ZNF654: variants seen among roughly 807,000 people sequenced by gnomAD.
ZNF654 encodes melanoma-associated antigen.
ZNF654 carries 19 observed loss-of-function variants against 95.3 expected under a neutral mutation model. The ratio of observed to expected loss-of-function variants is 0.20; its 90% CI spans 0.14 to 0.29. The LOEUF is 0.29. Ranked by LOEUF, ZNF654 falls within the 10% of genes least tolerant of loss-of-function variation. ZNF654 has a pLI of 1.00. For synonymous variants in ZNF654, 413 were observed against 457.9 expected, an observed-to-expected ratio of 0.90 and a Z score of 1.25; for missense variants, 1,046 against 1,341.0, an observed-to-expected ratio of 0.78 and a Z score of 3.44.
chr3:88,071,783 G>A (rs546323799), intron 1 of ZNF654, among the ~76,000 whole-genome samples: 11 of 152,046 alleles, frequency 7.2e-5, no homozygotes, highest in Admixed American at 1.3e-4. Context: ...CAGCCTGGGC[G>A]ACAAGAGTGA....
At chr3:88,136,115 A>G (rs954161089) in intron 7 of ZNF654, among the ~76,000 whole-genome samples, 1 of 152,176 alleles carries the variant, frequency 6.6e-6, no homozygotes, top group Non-Finnish European at 1.5e-5. Flanking sequence ...GAGGAAAACT[A>G]TGTTACAGAA....
chr3:88,126,014 T>A (rs1476165645), intron 3 of ZNF654, 120 bp from the exon 4 acceptor site: 1 of 1,115,156 alleles, frequency 9.0e-7, no homozygotes, highest in Non-Finnish European at 1.2e-6. Flanking sequence ...TAGTAACCCT[T>A]TCTCTTTTAT....
chr3:88,135,721 C>T (rs772421423), intron 7 of ZNF654, among the ~76,000 whole-genome samples: 1 of 151,980 alleles, frequency 6.6e-6, no homozygotes, highest in South Asian at 2.1e-4. Flanking sequence ...TTTACTTGGG[C>T]CACTTGCAAG....
rs1245434318 is a variant in ZNF654, at chr3:88,142,292, A to C, written c.*640A>C. The C allele has an allele frequency of 1.1e-4, 6 of 55,792 alleles. No homozygotes were observed. The highest frequency in any genetic ancestry group is 8.7e-4 in the Admixed American group (4 of 4,624). 3.5% of individuals were successfully genotyped at this position (55,792 alleles called of 1,614,324 possible). On this transcript the variant is annotated 3_prime_UTR_variant, in exon 9 of 9. Coordinates refer to ENST00000636215, the MANE Select transcript of ZNF654 (RefSeq NM_001350134.2). Reference sequence around the variant, plus strand: ...ACGCCAGCATTGAAAATTAAAAAACAAAACAAAAAAAACCACAGTGCTTTG... The same window carrying C: ...ACGCCAGCATTGAAAATTAAAAAACCAAACAAAAAAAACCACAGTGCTTTG...
At chr3:88,089,660 G>A (rs1041252364) in intron 2 of ZNF654, among the ~76,000 whole-genome samples, 3 of 151,974 alleles carry the variant, frequency 2.0e-5, no homozygotes, top group African/African-American at 4.8e-5. Flanking sequence ...ATTCTTTCAG[G>A]GCTGTTGACA....
intron 2 of ZNF654, among the ~76,000 whole-genome samples, chr3:88,099,711 CAAG>C (rs1704289657): frequency 6.6e-6 from 1 of 152,146 alleles, no homozygotes; most frequent in South Asian, 2.1e-4. Context: ...CTGACAAAAA[CAAG>C]AAATGGAGAA....
intron 1 of ZNF654, among the ~76,000 whole-genome samples, chr3:88,066,544 A>G (rs1707208291): frequency 6.6e-6 from 1 of 152,176 alleles, no homozygotes; most frequent in Non-Finnish European, 1.5e-5. Context: ...CCTGGCTGAC[A>G]GAGCGAGACT....
Position 88,098,989 on chromosome 3 carries a change from A to G in ZNF654, c.332+12587A>G, listed in dbSNP as rs372545788. Among the ~76,000 whole-genome samples the G allele has an allele frequency of 3.9e-5, 6 of 152,202 alleles. No homozygotes were observed. The East Asian group carries it at 5.8e-4, about 15-fold the overall frequency. Reference sequence around the variant, plus strand: ...AATGTTGGAAGTTCTGGCCGGGGCAATCAGGCGAGAGAAAGAAATAAAGGG... The same window carrying G: ...AATGTTGGAAGTTCTGGCCGGGGCAGTCAGGCGAGAGAAAGAAATAAAGGG... On this transcript the variant is annotated intron_variant, in intron 2 of 8. Transcript: ENST00000636215.
intron 2 of ZNF654, among the ~76,000 whole-genome samples, chr3:88,088,795 T>TGGAG (rs1559701766): frequency 1.5e-4 from 22 of 151,510 alleles, no homozygotes; most frequent in African/African-American, 4.9e-4. Flanking sequence ...GATGGATGGA[T>TGGAG]GGAGTCTGGC....
chr3:88,137,201 A>AT (rs1327010816), intron 7 of ZNF654, among the ~76,000 whole-genome samples: 10 of 150,836 alleles, frequency 6.6e-5, no homozygotes, highest in Admixed American at 4.6e-4. Context: ...TCTCAAAAAA[A>AT]AAAAAAAAAA....
chr3:88,079,620 G>A (rs529022625), intron 1 of ZNF654, among the ~76,000 whole-genome samples: 1 of 152,100 alleles, frequency 6.6e-6, no homozygotes, highest in East Asian at 1.9e-4. Context: ...CTCTGGGAGT[G>A]ATACTGTAAT....
chr3:88,059,396 G>A lies in ZNF654; in HGVS notation c.77G>A (p.Gly26Asp), dbSNP rs1455122274. 3 of 1,534,912 alleles carry A rather than the reference G, an allele frequency of 2.0e-6. No homozygotes were observed. The highest frequency in any genetic ancestry group is 1.4e-5 in the African/African-American group (1 of 72,966). ...ELVAIVESPL[G>D]PVGLRAAGDG... Reference sequence around the variant, plus strand: ...GTGGCCATTGTGGAGTCCCCGCTGGGCCCTGTGGGGCTTAGAGCTGCGGGC... The same window carrying A: ...GTGGCCATTGTGGAGTCCCCGCTGGACCCTGTGGGGCTTAGAGCTGCGGGC... The change falls in exon 1 of 9, where the codon GGC (glycine) becomes GAC (aspartate). Residue 26 changes from glycine to aspartate, a missense_variant. By Grantham distance (94) the Gly-to-Asp change is moderately conservative. This residue lies in a region of ZNF654 where 89 missense variants were observed against 77.9 expected (regional missense o/e 1.14). Transcript: ENST00000636215.
At chr3:88,065,417 A>C (rs1411663099) in intron 1 of ZNF654, among the ~76,000 whole-genome samples, 1 of 152,202 alleles carries the variant, frequency 6.6e-6, no homozygotes, top group Non-Finnish European at 1.5e-5. Flanking sequence ...GAGTTAGTAC[A>C]TATAATGTAA....
At chr3:88,125,016 C>A (rs573813145) in intron 3 of ZNF654, among the ~76,000 whole-genome samples, 85 of 152,146 alleles carry the variant, frequency 5.6e-4, no homozygotes, top group African/African-American at 1.9e-3. Flanking sequence ...GAGATTGAGA[C>A]TATCCTGGCT....
chr3:88,143,392 T>A lies in ZNF654; in HGVS notation c.*1740T>A, dbSNP rs1178692678. 6.6e-6 allele frequency: 1 copy of A among 152,266 alleles called. No homozygotes were observed. Among genetic ancestry groups the A allele is most frequent in the African/African-American group, 2.4e-5 (1 of 41,428 alleles). 9.4% of individuals were successfully genotyped at this position (152,266 alleles called of 1,614,324 possible). On this transcript the variant is annotated 3_prime_UTR_variant, in exon 9 of 9. Coordinates refer to ENST00000636215, the MANE Select transcript of ZNF654 (RefSeq NM_001350134.2). ...AACACAGCTCATAATTAAAATCTTT[T>A]CTTTAAGGTCAGCTAAAAAAAATGT...
At position 88,099,294 on chromosome 3, in the gene ZNF654, AAGG is replaced by A. The variant is rs201166454; in HGVS notation, c.332+12895_332+12897del. Among the ~76,000 whole-genome samples the A allele has an allele frequency of 7.8e-3, 1,186 of 152,336 alleles. 21 individuals are homozygous for A. The highest frequency in any genetic ancestry group is 0.027 in the African/African-American group (1,130 of 41,566). ...TACAAGGGATGTGAAGGACCTCTTC[AAGG>A]AGAACTGCAAATCACTGCTCAACAA... is the stretch of plus-strand genomic sequence containing the variant. On this transcript the variant is annotated intron_variant, in intron 2 of 8. Transcript: ENST00000636215.
intron 1 of ZNF654, among the ~76,000 whole-genome samples, chr3:88,080,908 T>C (rs776929776): frequency 3.9e-5 from 6 of 152,222 alleles, no homozygotes; most frequent in Non-Finnish European, 5.9e-5. Context: ...ATTGGTACAA[T>C]AGTCACAAAA....
intron 2 of ZNF654, among the ~76,000 whole-genome samples, chr3:88,103,521 A>G (rs1292946071): frequency 1.3e-5 from 2 of 152,198 alleles, no homozygotes; most frequent in African/African-American, 2.4e-5. Flanking sequence ...CTAGAATTTC[A>G]GAAGAAGATA....
chr3:88,108,756 T>G (rs997530877), intron 2 of ZNF654, among the ~76,000 whole-genome samples: 3 of 152,072 alleles, frequency 2.0e-5, no homozygotes, highest in Non-Finnish European at 4.4e-5. Flanking sequence ...AGAGTAGTGA[T>G]GCCAGTAATT....
Sources: allele counts gnomAD v4.1 joint callset (sites outside exome capture counted in the v4.1 genomes callset), GRCh38; gene constraint gnomAD v4.1.1; regional missense constraint gnomAD v4.1.1; transcripts MANE v1.5; gene names NCBI Gene and HGNC (gene_info 2026-07-23, HGNC 2026-07-21).